WDPCP: variants seen among roughly 807,000 people sequenced by gnomAD.
WDPCP encodes the protein WD repeat-containing and planar cell polarity effector protein fritz homolog.
Under a neutral mutation model 93.1 loss-of-function variants are expected in WDPCP, and 71 were observed. That is an observed-to-expected ratio of 0.76 (90% CI 0.63 to 0.93). The LOEUF is 0.93. Among genes scored for constraint, WDPCP ranks in the 40% least tolerant of loss-of-function variants. WDPCP has a pLI of 0.00. For missense variants in WDPCP, 844 were observed against 887.4 expected, an observed-to-expected ratio of 0.95 and a Z score of 0.62; for synonymous variants, 315 against 315.0, an observed-to-expected ratio of 1.00 and a Z score of 0.00.
intron 3 of WDPCP, among the ~76,000 whole-genome samples, chr2:63,620,249 G>T (rs963493155): frequency 2.6e-5 from 4 of 152,178 alleles, no homozygotes; most frequent in Non-Finnish European, 4.4e-5. Flanking sequence ...CCCCAACAGA[G>T]CCCAGCAAGC....
At chr2:63,132,479 T>C (rs1670352531) in intron 17 of WDPCP, among the ~76,000 whole-genome samples, 1 of 151,324 alleles carries the variant, frequency 6.6e-6, no homozygotes, top group Non-Finnish European at 1.5e-5. Flanking sequence ...AATGGATATA[T>C]TGTCCTGCTT....
At chr2:63,292,406 T>C (rs6755183) in intron 13 of WDPCP, among the ~76,000 whole-genome samples, 121,546 of 151,776 alleles carry the variant, frequency 0.8, 49,540 homozygotes, top group East Asian at 0.96. Context: ...AAAAATTGTC[T>C]AATTTTTTGT....
chr2:63,417,681 T>G (rs1272019899), intron 9 of WDPCP, among the ~76,000 whole-genome samples: 1 of 149,912 alleles, frequency 6.7e-6, no homozygotes, highest in African/African-American at 2.4e-5. Flanking sequence ...CACAGACCCT[T>G]GGTGCAAAAG....
At chr2:63,297,991 A>G (rs1353844606) in intron 13 of WDPCP, among the ~76,000 whole-genome samples, 1 of 152,178 alleles carries the variant, frequency 6.6e-6, no homozygotes, top group African/African-American at 2.4e-5. Flanking sequence ...TATTGTTGCC[A>G]CTTGGGGAGA....
chr2:63,510,911 G>A (rs1287922282), intron 1 of WDPCP, among the ~76,000 whole-genome samples: 2 of 152,136 alleles, frequency 1.3e-5, no homozygotes, highest in South Asian at 4.1e-4. Flanking sequence ...GAGAGGTGGA[G>A]GTTACAGTGA....
chr2:63,378,547 A>G, intron 11 of WDPCP, 38 bp from the exon 12 acceptor site: 1 of 1,612,444 alleles, frequency 6.2e-7, no homozygotes, highest in Non-Finnish European at 8.5e-7. Flanking sequence ...AAACAAGTGA[A>G]AACTCCTTCA....
chr2:63,703,580 T>C (rs1669097362), intron 2 of WDPCP, among the ~76,000 whole-genome samples: 1 of 152,044 alleles, frequency 6.6e-6, no homozygotes, highest in African/African-American at 2.4e-5. Flanking sequence ...TGTTTTGTTT[T>C]GTTTTGTTTT....
intron 9 of WDPCP, among the ~76,000 whole-genome samples, chr2:63,421,663 T>C (rs1029210386): frequency 2.0e-5 from 3 of 152,000 alleles, no homozygotes; most frequent in African/African-American, 4.8e-5. Flanking sequence ...TTCTGGAGAG[T>C]TGTCACGAGG....
At chr2:63,397,044 C>T (rs1028241338) in intron 10 of WDPCP, among the ~76,000 whole-genome samples, 11 of 152,120 alleles carry the variant, frequency 7.2e-5, no homozygotes, top group African/African-American at 2.7e-4. Flanking sequence ...AGAAGGATCA[C>T]TAGGATAGCA....
intron 2 of WDPCP, among the ~76,000 whole-genome samples, chr2:63,793,487 C>T (rs1365072265): frequency 6.6e-6 from 1 of 152,134 alleles, no homozygotes; most frequent in East Asian, 1.9e-4. Context: ...GGCCCATACC[C>T]GTAATCCCAA....
intron 1 of WDPCP, among the ~76,000 whole-genome samples, chr2:63,526,094 T>C (rs1703321257): frequency 6.6e-6 from 1 of 152,050 alleles, no homozygotes; most frequent in Admixed American, 6.6e-5. Context: ...CACACATACA[T>C]GTGCTCTCCC....
intron 11 of WDPCP, among the ~76,000 whole-genome samples, chr2:63,379,143 G>A (rs1337005247): frequency 1.3e-5 from 2 of 152,000 alleles, no homozygotes; most frequent in African/African-American, 2.4e-5. Flanking sequence ...CTAAGACTGG[G>A]GGAAAGGGCA....
chr2:63,665,846 G>C (rs560878567), intron 2 of WDPCP, among the ~76,000 whole-genome samples: 1 of 151,338 alleles, frequency 6.6e-6, no homozygotes, highest in East Asian at 2.0e-4. Flanking sequence ...AAGAAAGGTA[G>C]ACTTTCCCTA....
At chr2:63,161,897 G>A (rs1672673301) in intron 15 of WDPCP, among the ~76,000 whole-genome samples, 1 of 151,924 alleles carries the variant, frequency 6.6e-6, no homozygotes, top group African/African-American at 2.4e-5. Context: ...CTGAGTAGCT[G>A]GGACTGCAGG....
At chr2:63,296,146 A>G (rs1197136544) in intron 13 of WDPCP, among the ~76,000 whole-genome samples, 1 of 152,028 alleles carries the variant, frequency 6.6e-6, no homozygotes. Flanking sequence ...TCACAAATCA[A>G]TAATTGTGAT....
intron 14 of WDPCP, among the ~76,000 whole-genome samples, chr2:63,177,635 G>A (rs1673917432): frequency 6.6e-6 from 1 of 152,068 alleles, no homozygotes. Flanking sequence ...GGGATCTTTA[G>A]GGCTTGCTGC....
At chr2:63,416,831 T>C (rs1043037651) in intron 9 of WDPCP, among the ~76,000 whole-genome samples, 1 of 152,172 alleles carries the variant, frequency 6.6e-6, no homozygotes, top group Non-Finnish European at 1.5e-5. Flanking sequence ...CCAAAATACT[T>C]TTATGTTTAA....
intron 3 of WDPCP, among the ~76,000 whole-genome samples, chr2:63,609,696 G>A (rs1355369670): frequency 2.0e-5 from 3 of 151,920 alleles, no homozygotes; most frequent in Non-Finnish European, 4.4e-5. Flanking sequence ...AATGTAGTGA[G>A]ACCCCATCTC....
intron 13 of WDPCP, among the ~76,000 whole-genome samples, chr2:63,303,632 C>T (rs13393985): frequency 1.6e-3 from 244 of 152,248 alleles, no homozygotes; most frequent in African/African-American, 5.5e-3. Context: ...GGTTGGAGGC[C>T]TTTTGGCCAC....
Sources: allele counts gnomAD v4.1 joint callset (sites outside exome capture counted in the v4.1 genomes callset), GRCh38; gene constraint gnomAD v4.1.1; transcripts MANE v1.5; gene names NCBI Gene and HGNC (gene_info 2026-07-23, HGNC 2026-07-21).